Variants in WT1 observed in about 807,000 individuals in gnomAD.
WT1 encodes the protein Wilms tumor protein.
Under a neutral mutation model 60.8 loss-of-function variants are expected in WT1, and 8 were observed. The ratio of observed to expected loss-of-function variants is 0.13; its 90% CI spans 0.08 to 0.24. The LOEUF (loss-of-function observed/expected upper bound fraction) is 0.24. WT1 is among the 10% of genes least tolerant of loss of function. The pLI, the probability that WT1 is intolerant of heterozygous loss-of-function variation, is 1.00. For synonymous variants in WT1, 312 were observed against 297.1 expected (o/e 1.05, Z -0.52); for missense variants, 568 against 711.8 (o/e 0.80, Z 2.30).
In WT1 at chr11:32,388,017, C is replaced by G; in HGVS notation, c.*1041G>C. The G allele has an allele frequency of 4.3e-6, 1 of 234,774 alleles. No individual in the cohort carries two copies. Among genetic ancestry groups the G allele is most frequent in the Non-Finnish European group, 8.4e-6 (1 of 119,388 alleles). The allele number at this position is 234,774 out of a possible 1,614,324, so 14.5% of individuals were successfully genotyped here. A position where few individuals can be genotyped will look rare whatever the true frequency, so the allele number is the denominator to read the frequency against. On this transcript the variant is annotated 3_prime_UTR_variant, in exon 10 of 10. Coordinates refer to ENST00000452863, the MANE Select transcript of WT1 (RefSeq NM_024426.6). ...AAACACAACACAACACACACACACA[C>G]ACACACACACACACACACACGACCA... is the stretch of plus-strand genomic sequence containing the variant.
chr11:32,429,410 T>C (rs928580983), intron 1 of WT1, among the ~76,000 whole-genome samples: 1 of 149,156 alleles, frequency 6.7e-6, no homozygotes. Flanking sequence ...TTTCCCTCCA[T>C]GGTAGTGCTT....
chr11:32,412,031 G>A (rs531610686), intron 5 of WT1, among the ~76,000 whole-genome samples: 1 of 152,250 alleles, frequency 6.6e-6, no homozygotes, highest in East Asian at 1.9e-4. Context: ...CTCAGGCTCC[G>A]GGAGCCACTT....
intron 5 of WT1, among the ~76,000 whole-genome samples, chr11:32,400,906 C>T (rs1299895435): frequency 6.6e-6 from 1 of 152,332 alleles, no homozygotes; most frequent in Admixed American, 6.5e-5. Context: ...TATGAAATAG[C>T]TCTGTGAAAT....
chr11:32,426,445 C>A (rs1853038835), intron 3 of WT1, among the ~76,000 whole-genome samples: 2 of 152,206 alleles, frequency 1.3e-5, no homozygotes, highest in Non-Finnish European at 2.9e-5. Context: ...AGAATAGGTG[C>A]GAATCCTGCC....
chr11:32,424,553 AC>A (rs1174412831), intron 3 of WT1, among the ~76,000 whole-genome samples: 3 of 152,190 alleles, frequency 2.0e-5, no homozygotes, highest in African/African-American at 7.2e-5. Context: ...GGTTTCAGAA[AC>A]CCTAGTGACC....
Position 32,435,211 on chromosome 11 carries a change from G to T in WT1, c.150C>A (p.Ala50=), listed in dbSNP as rs1554946724. The change falls in exon 1 of 10, where the codon GCC becomes GCA. Residue 50 remains alanine (A), a synonymous_variant. Coordinates refer to ENST00000452863, the MANE Select transcript of WT1 (RefSeq NM_024426.6). ...GGAGACGTTCAGCGCTGGCCTCGGC[G>T]GCGCCTAACTTGGCCCAGATGCCGC... is the stretch of plus-strand genomic sequence containing the variant. 1 of 1,533,224 alleles carries T rather than the reference G, an allele frequency of 6.5e-7. No individual in the cohort carries two copies. Among genetic ancestry groups the T allele is most frequent in the Non-Finnish European group, 8.7e-7 (1 of 1,145,586 alleles). The allele number at this position is 1,533,224 out of a possible 1,614,324, so 95.0% of individuals were successfully genotyped here.
intron 3 of WT1, among the ~76,000 whole-genome samples, chr11:32,423,591 C>T (rs928301648): frequency 6.6e-6 from 1 of 152,212 alleles, no homozygotes; most frequent in African/African-American, 2.4e-5. Flanking sequence ...GGCACTTATC[C>T]ATCTAGAGAG....
intron 9 of WT1, among the ~76,000 whole-genome samples, chr11:32,391,300 A>G (rs1325517848): frequency 2.0e-5 from 3 of 152,174 alleles, no homozygotes; most frequent in African/African-American, 4.8e-5. Context: ...CTCTACTTAC[A>G]AGCATGTTGT....
rs141834493 is a variant in WT1, at chr11:32,396,360, T to A, written c.1161A>T (p.Ala387=). 2 of 1,614,206 alleles carry A rather than the reference T, an allele frequency of 1.2e-6. No individual in the cohort carries two copies. The highest frequency in any genetic ancestry group is 1.7e-6 in the Non-Finnish European group (2 of 1,180,046). The change falls in exon 7 of 10, where the codon GCA becomes GCT. Residue 387 remains alanine, a synonymous_variant. Coordinates refer to ENST00000452863, the MANE Select transcript of WT1 (RefSeq NM_024426.6). ...AGGGGCGTTTCTCACTGGTCTCAGA[T>A]GCCGACCGTACAAGAGTCGGGGCTA...
chr11:32,396,659 A>G (rs1478014752), intron 6 of WT1, among the ~76,000 whole-genome samples: 1 of 152,206 alleles, frequency 6.6e-6, no homozygotes, highest in Non-Finnish European at 1.5e-5. Flanking sequence ...GATGAAACCT[A>G]CATGAAATGG....
At chr11:32,400,204 T>C (rs2132960752) in intron 5 of WT1, 160 bp from the exon 6 acceptor site, 2 of 845,496 alleles carry the variant, frequency 2.4e-6, no homozygotes, top group Non-Finnish European at 3.9e-6. Flanking sequence ...TGCAGGGTTC[T>C]GCGGAGGGCG....
chr11:32,398,548 G>A (rs755987263), intron 6 of WT1, among the ~76,000 whole-genome samples: 5 of 152,236 alleles, frequency 3.3e-5, no homozygotes, highest in East Asian at 1.9e-4. Context: ...ACCATCCTCT[G>A]CCTCCCTAAG....
chr11:32,404,925 G>GT (rs1397990713), intron 5 of WT1, among the ~76,000 whole-genome samples: 4 of 152,042 alleles, frequency 2.6e-5, no homozygotes, highest in African/African-American at 9.7e-5. Flanking sequence ...AATCCACTGG[G>GT]TTTTTTTCCT....
chr11:32,404,195 G>C (rs187229458), intron 5 of WT1, among the ~76,000 whole-genome samples: 1 of 150,032 alleles, frequency 6.7e-6, no homozygotes, highest in Non-Finnish European at 1.5e-5. Context: ...GCTTGAACCC[G>C]GGAGGCGGAG....
At chr11:32,420,519 T>G (rs1852820193) in intron 3 of WT1, among the ~76,000 whole-genome samples, 1 of 152,212 alleles carries the variant, frequency 6.6e-6, no homozygotes, top group Non-Finnish European at 1.5e-5. Flanking sequence ...TTCTCAATAC[T>G]GCTCACAACT....
In WT1 at chr11:32,428,570, G is replaced by A. The variant is rs183263057; in HGVS notation, c.711C>T (p.Pro237=). Residue 237 remains proline, a synonymous_variant, in exon 2 of 10, where the codon CCC becomes CCT. Transcript: ENST00000452863. ...TGGGGAACTGCGCCGCATGGTGCGA[G>A]GGCGTGTGACCGTAGCTGGGCGTCC... The A allele has an allele frequency of 3.4e-5, 55 of 1,614,070 alleles. No homozygotes were observed. The highest frequency in any genetic ancestry group is 4.6e-5 in the Non-Finnish European group (54 of 1,180,032).
At chr11:32,391,915 A>T (rs1010861966) in intron 9 of WT1, 57 bp downstream of exon 9, 6 of 1,555,016 alleles carry the variant, frequency 3.9e-6, no homozygotes, top group South Asian at 3.3e-5. Flanking sequence ...TCACAATTTC[A>T]TTCCACAATA....
chr11:32,408,514 T>TAAAAAAAAAAAAAAAAAAAAAAAAA (rs58685266), intron 5 of WT1, among the ~76,000 whole-genome samples: 6 of 74,234 alleles, frequency 8.1e-5, no homozygotes, highest in Admixed American at 3.3e-4. Flanking sequence ...GACTACGTCT[T>TAAAAAAAAAAAAAAAAAAAAAAAAA]AAAAAAAAAA....
intron 5 of WT1, among the ~76,000 whole-genome samples, chr11:32,403,344 A>G (rs1023586735): frequency 2.6e-5 from 4 of 151,984 alleles, no homozygotes; most frequent in Admixed American, 2.6e-4. Context: ...TTAAAAAGCA[A>G]CTCGGTCTGG....
Sources: allele counts gnomAD v4.1 joint callset (sites outside exome capture counted in the v4.1 genomes callset), GRCh38; gene constraint gnomAD v4.1.1; transcripts MANE v1.5; gene names NCBI Gene and HGNC (gene_info 2026-07-23, HGNC 2026-07-21).